BMP5: variants seen among roughly 807,000 people sequenced by gnomAD.
The protein encoded by BMP5 is bone morphogenetic protein 5.
Under a neutral mutation model 46.6 loss-of-function variants are expected in BMP5, and 23 were observed. The observed-to-expected ratio is 0.49, with a 90% CI of 0.35 to 0.70. The LOEUF (loss-of-function observed/expected upper bound fraction) is 0.70, where lower values mean the gene tolerates loss of function less well. Ranked by LOEUF, BMP5 falls within the 30% of genes least tolerant of loss-of-function variation. The pLI is 0.00. For synonymous variants in BMP5, 204 were observed against 191.9 expected, an observed-to-expected ratio of 1.06 and a Z score of -0.52; for missense variants, 545 against 565.6, an observed-to-expected ratio of 0.96 and a Z score of 0.37.
intron 2 of BMP5, among the ~76,000 whole-genome samples, chr6:55,799,659 T>C (rs1458061403): frequency 6.6e-6 from 1 of 152,198 alleles, no homozygotes; most frequent in African/African-American, 2.4e-5. Flanking sequence ...ACGCAAATTC[T>C]GCCTTTAGGT....
chr6:55,826,348 CA>C (rs2127540748), intron 1 of BMP5, among the ~76,000 whole-genome samples: 1 of 151,732 alleles, frequency 6.6e-6, no homozygotes, highest in South Asian at 2.1e-4. Context: ...TATAAAGAAG[CA>C]AAATCTCAAA....
At chr6:55,770,554 T>C (rs976992240) in intron 4 of BMP5, among the ~76,000 whole-genome samples, 19 of 151,928 alleles carry the variant, frequency 1.3e-4, no homozygotes, top group African/African-American at 1.9e-4. Context: ...CTTATCATTA[T>C]TGTGTTGATG....
At chr6:55,757,406 G>C (rs1388818302) in intron 6 of BMP5, among the ~76,000 whole-genome samples, 1 of 151,982 alleles carries the variant, frequency 6.6e-6, no homozygotes, top group Non-Finnish European at 1.5e-5. Flanking sequence ...TGATCATGAA[G>C]TTCTCTTCAT....
At chr6:55,767,449 T>A (rs1774940445) in intron 4 of BMP5, among the ~76,000 whole-genome samples, 1 of 152,058 alleles carries the variant, frequency 6.6e-6, no homozygotes, top group Admixed American at 6.6e-5. Flanking sequence ...AAGGCAGGTA[T>A]AATTAACATT....
rs1582138310 is a variant in BMP5 at position 55,874,631 on chromosome 6, G to C, written c.235C>G (p.Leu79Val). Residue 79 changes from leucine (L) to valine (V), a missense_variant, in exon 1 of 7, where the codon CTC becomes GTC. Leu to Val is a conservative substitution (Grantham distance 32). Transcript: ENST00000370830. The stretch of plus-strand genomic sequence containing the variant: ...GCATTGTAGAGATCCAGCATAAAGA[G>C]AGGTGCAGAGGACGCTTGTTTTCCA... Reference protein sequence around the residue: ...SPGKQASSAPLFMLDLYNAMT... With the variant: ...SPGKQASSAPVFMLDLYNAMT... 4 of 1,613,632 alleles carry C rather than the reference G, an allele frequency of 2.5e-6. No individual in the cohort carries two copies. Among genetic ancestry groups the C allele is most frequent in the East Asian group, 4.5e-5 (2 of 44,846 alleles).
intron 1 of BMP5, among the ~76,000 whole-genome samples, chr6:55,852,999 GC>G (rs1419783889): frequency 5.9e-5 from 9 of 151,658 alleles, no homozygotes; most frequent in African/African-American, 2.2e-4. Flanking sequence ...GCATGGTGGT[GC>G]CCGCCTGTAG....
chr6:55,804,834 G>A (rs140967414), intron 2 of BMP5, among the ~76,000 whole-genome samples: 1 of 152,092 alleles, frequency 6.6e-6, no homozygotes, highest in African/African-American at 2.4e-5. Context: ...CATGTAAAGG[G>A]ATTTTTAATG....
chr6:55,847,734 A>C (rs1460132497), intron 1 of BMP5, among the ~76,000 whole-genome samples: 1 of 151,942 alleles, frequency 6.6e-6, no homozygotes, highest in Non-Finnish European at 1.5e-5. Flanking sequence ...GAAATTTTAT[A>C]AAATGTAGTC....
intron 1 of BMP5, among the ~76,000 whole-genome samples, chr6:55,861,525 C>A (rs1366010028): frequency 6.6e-6 from 1 of 152,222 alleles, no homozygotes; most frequent in Non-Finnish European, 1.5e-5. Flanking sequence ...TTCCACTCCT[C>A]ATTACTGACC....
intron 2 of BMP5, among the ~76,000 whole-genome samples, chr6:55,796,707 G>A (rs1167025717): frequency 1.5e-5 from 2 of 136,828 alleles, no homozygotes. Flanking sequence ...GTGCCCATAT[G>A]TTCTCATTGT....
intron 3 of BMP5, among the ~76,000 whole-genome samples, chr6:55,779,091 G>A (rs1373388821): frequency 6.6e-6 from 1 of 152,022 alleles, no homozygotes; most frequent in Non-Finnish European, 1.5e-5. Context: ...GTTATTAAAG[G>A]AGATTCTGAC....
chr6:55,793,417 G>A (rs770345881), intron 3 of BMP5, among the ~76,000 whole-genome samples: 6 of 152,044 alleles, frequency 3.9e-5, no homozygotes, highest in Non-Finnish European at 5.9e-5. Flanking sequence ...TTACTACCTC[G>A]TGCATCACTC....
intron 1 of BMP5, among the ~76,000 whole-genome samples, chr6:55,836,348 T>C (rs906843421): frequency 2.2e-4 from 33 of 152,160 alleles, no homozygotes; most frequent in African/African-American, 7.7e-4. Flanking sequence ...TTATATAACG[T>C]GTGTATGTAA....
intron 2 of BMP5, among the ~76,000 whole-genome samples, chr6:55,816,999 A>C (rs945050577): frequency 2.0e-5 from 3 of 152,178 alleles, no homozygotes; most frequent in Non-Finnish European, 4.4e-5. Flanking sequence ...CATGAAAAAA[A>C]CGCTCATCAT....
At chr6:55,813,636 A>C (rs1776186418) in intron 2 of BMP5, among the ~76,000 whole-genome samples, 2 of 151,956 alleles carry the variant, frequency 1.3e-5, no homozygotes, top group South Asian at 2.1e-4. Context: ...AAATACAAAA[A>C]ATTAGCCAGG....
intron 2 of BMP5, among the ~76,000 whole-genome samples, chr6:55,813,132 G>A (rs1018051732): frequency 5.3e-5 from 8 of 152,064 alleles, no homozygotes; most frequent in Non-Finnish European, 5.9e-5. Context: ...AAATCCTAGT[G>A]TTTTTTGTTT....
At chr6:55,868,530 T>C (rs1777702866) in intron 1 of BMP5, among the ~76,000 whole-genome samples, 1 of 152,146 alleles carries the variant, frequency 6.6e-6, no homozygotes, top group Non-Finnish European at 1.5e-5. Context: ...TTGTTGTTTT[T>C]TTCTCCCCAA....
chr6:55,872,211 T>A (rs1777804058), intron 1 of BMP5, among the ~76,000 whole-genome samples: 1 of 151,778 alleles, frequency 6.6e-6, no homozygotes. Flanking sequence ...TAATTTTCCT[T>A]AAAGTCTACC....
intron 1 of BMP5, among the ~76,000 whole-genome samples, chr6:55,847,604 T>C (rs1434940168): frequency 2.0e-5 from 3 of 151,926 alleles, no homozygotes; most frequent in East Asian, 1.9e-4. Flanking sequence ...ATGACAAATA[T>C]ATTAATGGAA....
Sources: gnomAD v4.1 joint callset for allele counts (sites outside exome capture counted in the v4.1 genomes callset) on GRCh38, gnomAD v4.1.1 for gene constraint, MANE v1.5 for transcripts, NCBI Gene and HGNC (gene_info 2026-07-23, HGNC 2026-07-21) for gene names.